CSPP1: variants seen among roughly 807,000 people sequenced by gnomAD.
The protein encoded by CSPP1 is centrosome and spindle pole associated protein 1.
CSPP1 carries 126 observed loss-of-function variants against 164.4 expected under a neutral mutation model. The observed-to-expected ratio is 0.77, with a 90% CI of 0.66 to 0.89. CSPP1 has a LOEUF of 0.89. CSPP1 is among the 40% of genes least tolerant of loss of function. The pLI is 0.00. For missense variants in CSPP1, 1,395 were observed against 1,449.8 expected (o/e 0.96, Z 0.61); for synonymous variants, 472 against 476.7 (o/e 0.99, Z 0.13).
At chr8:67,162,920 C>T (rs1455953501) in intron 22 of CSPP1, among the ~76,000 whole-genome samples, 1 of 152,040 alleles carries the variant, frequency 6.6e-6, no homozygotes, top group East Asian at 1.9e-4. Context: ...GTTCTGGACT[C>T]GATTTGTAGT....
intron 8 of CSPP1, among the ~76,000 whole-genome samples, chr8:67,105,105 ACCCTCTG>A (rs1003797338): frequency 1.4e-4 from 19 of 132,338 alleles, no homozygotes; most frequent in African/African-American, 5.6e-4. Flanking sequence ...GGCTCACTGT[ACCCTCTG>A]CCTTCCAGGT....
chr8:67,163,765 G>C lies in CSPP1; in HGVS notation c.2677G>C (p.Val893Leu). ...CATGTCCAGGGCACAGTCACCCCCGGTACCTGCCAGGAAAAATCAGCTCCG... is the reference window on the plus strand; with the variant it reads ...CATGTCCAGGGCACAGTCACCCCCGCTACCTGCCAGGAAAAATCAGCTCCG... ...SSMSRAQSPP[V>L]PARKNQLRAE... The change falls in exon 23 of 31, where the codon GTA becomes CTA. Residue 893 changes from valine (V) to leucine (L), a missense_variant. Transcript: ENST00000678616. 1 of 1,613,618 alleles carries C rather than the reference G, an allele frequency of 6.2e-7. No individual in the cohort carries two copies. Among genetic ancestry groups the C allele is most frequent in the Non-Finnish European group, 8.5e-7 (1 of 1,179,732 alleles).
intron 18 of CSPP1, among the ~76,000 whole-genome samples, chr8:67,151,398 G>A (rs1243453449): frequency 6.6e-6 from 1 of 152,122 alleles, no homozygotes; most frequent in African/African-American, 2.4e-5. Context: ...CTCATTTGCT[G>A]CTGCTTCTAG....
intron 24 of CSPP1, among the ~76,000 whole-genome samples, chr8:67,168,575 CTT>C (rs779386914): frequency 6.6e-6 from 1 of 152,026 alleles, no homozygotes; most frequent in Non-Finnish European, 1.5e-5. Flanking sequence ...TAAGTTCTAA[CTT>C]AAGTTATAAA....
chr8:67,164,273 T>C, intron 23 of CSPP1, 118 bp from the exon 24 acceptor site: 1 of 591,680 alleles, frequency 1.7e-6, no homozygotes, highest in Non-Finnish European at 3.0e-6. Context: ...TTAAAATATC[T>C]TTCATAAAAT....
chr8:67,108,011 G>T (rs897574686), intron 9 of CSPP1, among the ~76,000 whole-genome samples: 1 of 134,332 alleles, frequency 7.4e-6, no homozygotes. Context: ...TGTTTGGGTG[G>T]CTCAGAATAT....
At chr8:67,182,317 C>T (rs932385643) in intron 28 of CSPP1, among the ~76,000 whole-genome samples, 4 of 146,248 alleles carry the variant, frequency 2.7e-5, no homozygotes, top group Admixed American at 1.4e-4. Context: ...CAGATTTCCC[C>T]TTTTTTTTTT....
intron 19 of CSPP1, among the ~76,000 whole-genome samples, chr8:67,155,051 G>T (rs895774039): frequency 5.9e-5 from 9 of 152,250 alleles, no homozygotes; most frequent in African/African-American, 2.2e-4. Context: ...TAGTAGAACT[G>T]CCCAGACTAT....
At chr8:67,079,154 A>AT (rs1808607084) in intron 3 of CSPP1, among the ~76,000 whole-genome samples, 1 of 152,098 alleles carries the variant, frequency 6.6e-6, no homozygotes, top group Non-Finnish European at 1.5e-5. Context: ...CCGAGTGTCC[A>AT]TATCTGCTCA....
intron 13 of CSPP1, 46 bp from the exon 14 acceptor site, chr8:67,118,202 T>C (rs113785067): frequency 3.1e-6 from 5 of 1,600,552 alleles, no homozygotes; most frequent in East Asian, 2.2e-5. Flanking sequence ...TTTTAAAAAA[T>C]TGCAATGAAA....
chr8:67,074,744 G>T, intron 2 of CSPP1: 1 of 271,086 alleles, frequency 3.7e-6, no homozygotes, highest in Non-Finnish European at 7.0e-6. Context: ...AATTTATTTT[G>T]TACTATTTGT....
rs1288474028 is a variant in CSPP1, at chr8:67,195,854, A to G, written c.*261A>G. The G allele has an allele frequency of 1.5e-5, 6 of 395,416 alleles. No homozygotes were observed. Among genetic ancestry groups the G allele is most frequent in the South Asian group, 9.6e-5 (3 of 31,390 alleles). 24.5% of individuals were successfully genotyped at this position (395,416 alleles called of 1,614,324 possible). A position where few individuals can be genotyped will look rare whatever the true frequency, so the allele number is the denominator to read the frequency against. On this transcript the variant is annotated 3_prime_UTR_variant, in exon 31 of 31. Coordinates refer to ENST00000678616, the MANE Select transcript of CSPP1 (RefSeq NM_001382391.1). Reference sequence around the variant, plus strand: ...TGGTAATGAACTGGATTGAACTACTATATGTGCATTATATTGAATTCTGCT... The same window carrying G: ...TGGTAATGAACTGGATTGAACTACTGTATGTGCATTATATTGAATTCTGCT...
At chr8:67,069,834 A>C (rs555884319) in intron 1 of CSPP1, among the ~76,000 whole-genome samples, 1 of 151,628 alleles carries the variant, frequency 6.6e-6, no homozygotes, top group East Asian at 2.0e-4. Context: ...TAATTTTTGT[A>C]TTTTTAGTAG....
At chr8:67,104,582 A>T (rs1814958985) in intron 8 of CSPP1, among the ~76,000 whole-genome samples, 1 of 150,752 alleles carries the variant, frequency 6.6e-6, no homozygotes, top group African/African-American at 2.4e-5. Flanking sequence ...ATGTGCATAG[A>T]TCACTCTTTC....
At position 67,093,562 on chromosome 8, in the gene CSPP1, G is replaced by A. The variant is rs1386679081; in HGVS notation, c.404G>A (p.Arg135His). The A allele has an allele frequency of 1.2e-5, 19 of 1,607,608 alleles. No homozygotes were observed. Among genetic ancestry groups the A allele is most frequent in the Middle Eastern group, 1.6e-4 (1 of 6,066 alleles). The change falls in exon 6 of 31, where the codon CGT becomes CAT. Residue 135 changes from arginine to histidine, a missense_variant. By Grantham distance (29) the Arg-to-His change is conservative. Transcript: ENST00000678616. ...TTTAAGGAAAGGTTGAAACTTGAAC[G>A]TAACAAAGAATACAATCAGTTTCTC... ...LSAKERLKLERNKEYNQFLRG... is the reference protein window; with the variant it reads ...LSAKERLKLEHNKEYNQFLRG...
intron 28 of CSPP1, among the ~76,000 whole-genome samples, chr8:67,184,690 C>T (rs1277331444): frequency 1.3e-5 from 2 of 151,468 alleles, no homozygotes; most frequent in Admixed American, 6.6e-5. Context: ...TGCCACTGCA[C>T]TCCAGCCTGC....
chr8:67,147,686 C>T (rs914045366), intron 17 of CSPP1, among the ~76,000 whole-genome samples: 3 of 151,840 alleles, frequency 2.0e-5, no homozygotes, highest in African/African-American at 4.8e-5. Context: ...TCCTTTGTAT[C>T]CTCCGAGATG....
chr8:67,091,809 T>A lies in CSPP1; in HGVS notation c.310T>A (p.Phe104Ile). 2 of 1,306,464 alleles carry A rather than the reference T, an allele frequency of 1.5e-6. No individual in the cohort carries two copies. The highest frequency in any genetic ancestry group is 2.5e-5 in the South Asian group (2 of 80,654). The allele number at this position is 1,306,464 out of a possible 1,614,324, so 80.9% of individuals were successfully genotyped here. ...TTAATGTGTATATATACAGAAAAAT[T>A]TTCTATCTACGAGTGAAACAGATCC... is the stretch of plus-strand genomic sequence containing the variant. ...DYRRYLTQKN[F>I]LSTSETDPST... The change falls in exon 5 of 31, where the codon TTT becomes ATT. Residue 104 changes from phenylalanine to isoleucine, a missense_variant. By Grantham distance (21) the Phe-to-Ile change is conservative. Transcript: ENST00000678616.
chr8:67,193,970 T>C (rs1040604397), intron 30 of CSPP1, among the ~76,000 whole-genome samples: 4 of 152,266 alleles, frequency 2.6e-5, no homozygotes, highest in Non-Finnish European at 5.9e-5. Flanking sequence ...TTAACACTTA[T>C]GCTGTATATT....
Sources: allele counts gnomAD v4.1 joint callset (sites outside exome capture counted in the v4.1 genomes callset), GRCh38; gene constraint gnomAD v4.1.1; transcripts MANE v1.5; gene names NCBI Gene and HGNC (gene_info 2026-07-23, HGNC 2026-07-21).